EVC2: variants seen among roughly 807,000 people sequenced by gnomAD.
The protein encoded by EVC2 is limbin.
A neutral mutation model predicts 149.3 loss-of-function variants in EVC2; 148 were observed. The ratio of observed to expected loss-of-function variants is 0.99; its 90% CI spans 0.87 to 1.14. The LOEUF (loss-of-function observed/expected upper bound fraction) is 1.14, where lower values mean the gene tolerates loss of function less well. Among genes scored for constraint, EVC2 ranks in the 50% most tolerant of loss-of-function variants. The pLI is 0.00. For missense variants in EVC2, 1,854 were observed against 1,627.3 expected, an observed-to-expected ratio of 1.14 and a Z score of -2.40; for synonymous variants, 776 against 649.9, an observed-to-expected ratio of 1.19 and a Z score of -2.95.
At chr4:5,600,114 C>T (rs2108809453) in intron 16 of EVC2, among the ~76,000 whole-genome samples, 1 of 152,242 alleles carries the variant, frequency 6.6e-6, no homozygotes, top group Non-Finnish European at 1.5e-5. Flanking sequence ...TAAGGTTGAT[C>T]TATTATCTCT....
At chr4:5,674,473 T>C (rs142294639) in intron 7 of EVC2, among the ~76,000 whole-genome samples, 1 of 152,210 alleles carries the variant, frequency 6.6e-6, no homozygotes, top group East Asian at 1.9e-4. Flanking sequence ...CAAAAAGGTA[T>C]TAAGTGCCAT....
In EVC2 at chr4:5,569,679, C is replaced by T. The variant is rs1234668212; in HGVS notation, c.3361-1039G>A. ...GGTGGGAGGGAACAAGTCCAGGTGC[C>T]GGAAGCCAAGGAGAGAACGTGTTCA... is the stretch of plus-strand genomic sequence containing the variant. On this transcript the variant is annotated intron_variant, in intron 19 of 21. Coordinates refer to ENST00000344408, the MANE Select transcript of EVC2 (RefSeq NM_147127.5). This position sits in a 1 kb window ranked among gnomAD's most constrained non-coding sequence, Gnocchi z 4.8. 6.6e-6 allele frequency among the ~76,000 whole-genome samples: 1 copy of T among 151,864 alleles called. No homozygotes were observed. Among genetic ancestry groups the T allele is most frequent in the Admixed American group, 6.6e-5 (1 of 15,252 alleles).
chr4:5,580,021 G>A (rs1215920152), intron 17 of EVC2, among the ~76,000 whole-genome samples: 2 of 152,184 alleles, frequency 1.3e-5, no homozygotes, highest in Non-Finnish European at 2.9e-5. Flanking sequence ...TGATCCAACT[G>A]AGCCTTGCAT....
chr4:5,682,488 C>T (rs1261129890), intron 6 of EVC2, among the ~76,000 whole-genome samples: 1 of 138,300 alleles, frequency 7.2e-6, no homozygotes, highest in South Asian at 2.3e-4. Flanking sequence ...GAAATGCTGT[C>T]TCAAAAAAAA....
chr4:5,604,680 TA>T (rs1195492528), intron 16 of EVC2, among the ~76,000 whole-genome samples: 1 of 151,920 alleles, frequency 6.6e-6, no homozygotes, highest in Non-Finnish European at 1.5e-5. Flanking sequence ...TATTTCAAAA[TA>T]ACAAGAAGGG....
chr4:5,694,191 T>C lies in EVC2; in HGVS notation c.450+144A>G, dbSNP rs1308999887. Reference sequence around the variant, plus strand: ...ACCTTGGAAAAATAAATGGATTTGCTACCCAGTGATAACTATATTTAGTGA... The same window carrying C: ...ACCTTGGAAAAATAAATGGATTTGCCACCCAGTGATAACTATATTTAGTGA... On this transcript the variant is annotated intron_variant, in intron 3 of 21. Transcript: ENST00000344408. The C allele has an allele frequency of 1.6e-5, 13 of 794,192 alleles. No homozygotes were observed. The African/African-American group carries it at 1.7e-4, about 11-fold the overall frequency. 49.2% of individuals were successfully genotyped at this position (794,192 alleles called of 1,614,324 possible).
intron 19 of EVC2, among the ~76,000 whole-genome samples, chr4:5,572,943 C>A (rs1275168040): frequency 6.6e-6 from 1 of 152,170 alleles, no homozygotes; most frequent in Admixed American, 6.5e-5. Flanking sequence ...ATCCCAAGCC[C>A]CCCACGAGCA....
At chr4:5,594,779 G>A (rs912212197) in intron 16 of EVC2, among the ~76,000 whole-genome samples, 15 of 151,252 alleles carry the variant, frequency 9.9e-5, no homozygotes, top group South Asian at 4.2e-4. Context: ...TCCAAGCTAC[G>A]GGAGGAAATT....
At chr4:5,708,764 G>C, upstream of EVC2, 1 of 404,968 alleles carries the variant, frequency 2.5e-6, no homozygotes, top group Non-Finnish European at 4.3e-6. Context: ...AACCGAATCA[G>C]AGCGGGTCAC....
chr4:5,670,783 A>G lies in EVC2; in HGVS notation c.871-5134T>C, dbSNP rs1719601352. Among the ~76,000 whole-genome samples the G allele has an allele frequency of 6.6e-6, 1 of 151,956 alleles. No homozygotes were observed. The highest frequency in any genetic ancestry group is 2.1e-4 in the South Asian group (1 of 4,806). ...CAGCATCGCCATCAAATTCATTATC[A>G]CCATCACCACCATGACCACCACCAC... On this transcript the variant is annotated intron_variant, in intron 7 of 21. Coordinates refer to ENST00000344408, the MANE Select transcript of EVC2 (RefSeq NM_147127.5). This position sits in a 1 kb window ranked among gnomAD's most constrained non-coding sequence, Gnocchi z 5.2.
At chr4:5,682,500 A>AAAT (rs1553850105) in intron 6 of EVC2, among the ~76,000 whole-genome samples, 2 of 150,222 alleles carry the variant, frequency 1.3e-5, no homozygotes, top group African/African-American at 2.5e-5. Context: ...CAAAAAAAAA[A>AAAT]AATAATAATA....
chr4:5,672,472 A>C (rs962730395), intron 7 of EVC2, among the ~76,000 whole-genome samples: 2 of 152,158 alleles, frequency 1.3e-5, no homozygotes, highest in African/African-American at 4.8e-5. Context: ...CTGGATGCCA[A>C]GGGAGAAATA....
chr4:5,539,776 AACACACACAC>A (rs55685347), downstream of EVC2, among the ~76,000 whole-genome samples: 1 of 150,282 alleles, frequency 6.7e-6, no homozygotes, highest in African/African-American at 2.4e-5. Context: ...ATACTACAAA[AACACACACAC>A]ACACACACAC....
At chr4:5,544,188 C>G (rs1007725278) in intron 21 of EVC2, among the ~76,000 whole-genome samples, 1 of 151,900 alleles carries the variant, frequency 6.6e-6, no homozygotes, top group Non-Finnish European at 1.5e-5. Flanking sequence ...GCTTACCTGG[C>G]CACAACCTAA....
chr4:5,580,156 T>A (rs568318727), intron 17 of EVC2, among the ~76,000 whole-genome samples: 1 of 152,312 alleles, frequency 6.6e-6, no homozygotes, highest in South Asian at 2.1e-4. Flanking sequence ...CCTGAATGTT[T>A]AACAGCCTAA....
chr4:5,619,430 C>T lies in EVC2; in HGVS notation c.2502-748G>A, dbSNP rs373238635. ...CATGGAGGCAGAGATTGGGGTGAGA[C>T]GTCTACAAGCCAATGAATGCCAAGG... On this transcript the variant is annotated intron_variant, in intron 14 of 21. Coordinates refer to ENST00000344408, the MANE Select transcript of EVC2 (RefSeq NM_147127.5). 2.7e-4 allele frequency among the ~76,000 whole-genome samples: 41 copies of T among 152,198 alleles called. 1 individual carries two copies. Among genetic ancestry groups the T allele is most frequent in the African/African-American group, 7.7e-4 (32 of 41,514 alleles).
intron 13 of EVC2, among the ~76,000 whole-genome samples, chr4:5,624,857 T>C (rs1244618789): frequency 3.3e-5 from 5 of 152,184 alleles, no homozygotes; most frequent in Non-Finnish European, 5.9e-5. Context: ...TTGAAAGTTA[T>C]TCTTCATCCC....
intron 21 of EVC2, among the ~76,000 whole-genome samples, chr4:5,546,628 G>A (rs1262882492): frequency 1.3e-5 from 2 of 151,848 alleles, no homozygotes; most frequent in African/African-American, 4.8e-5. Flanking sequence ...TGACGAGTTA[G>A]TGGGTGCAGC....
intron 9 of EVC2, among the ~76,000 whole-genome samples, chr4:5,662,291 TACTAG>T (rs139240384): frequency 8.6e-5 from 13 of 151,996 alleles, no homozygotes; most frequent in African/African-American, 3.1e-4. Flanking sequence ...AACTAATGAG[TACTAG>T]ACTTAATACC....
Sources: allele counts gnomAD v4.1 joint callset (sites outside exome capture counted in the v4.1 genomes callset), GRCh38; gene constraint gnomAD v4.1.1; non-coding constraint Gnocchi (gnomAD v3.1); transcripts MANE v1.5; gene names NCBI Gene and HGNC (gene_info 2026-07-23, HGNC 2026-07-21).